Variants in TMTC1 observed in about 807,000 individuals in gnomAD.
The protein encoded by TMTC1 is transmembrane O-mannosyltransferase targeting cadherins 1.
A neutral mutation model predicts 104.8 loss-of-function variants in TMTC1; 73 were observed. That is an observed-to-expected ratio of 0.70 (90% confidence interval 0.58 to 0.85). The LOEUF (loss-of-function observed/expected upper bound fraction) is 0.85, where lower values mean the gene tolerates loss of function less well. Ranked by LOEUF, TMTC1 falls within the 40% of genes least tolerant of loss-of-function variation. The pLI is 0.00. For missense variants in TMTC1, 1,035 were observed against 1,096.1 expected, an observed-to-expected ratio of 0.94 and a Z score of 0.79; for synonymous variants, 434 against 428.7, an observed-to-expected ratio of 1.01 and a Z score of -0.15.
chr12:29,782,288 G>A (rs1943851495), intron 1 of TMTC1, among the ~76,000 whole-genome samples: 1 of 152,184 alleles, frequency 6.6e-6, no homozygotes, highest in South Asian at 2.1e-4. Flanking sequence ...ACTTTCAGTG[G>A]AAGACGTAAG....
intron 1 of TMTC1, chr12:29,782,729 A>C (rs1943862173): frequency 6.6e-6 from 1 of 152,198 alleles, no homozygotes; most frequent in South Asian, 2.1e-4. Context: ...GAAACGCTGA[A>C]TCATGACTCC....
intron 7 of TMTC1, among the ~76,000 whole-genome samples, chr12:29,589,954 G>A (rs550041264): frequency 2.6e-4 from 39 of 152,320 alleles, no homozygotes; most frequent in Non-Finnish European, 4.3e-4. Context: ...CAGAAGCTAG[G>A]AATGGGCTAG....
chr12:29,575,767 C>T (rs34020170), intron 8 of TMTC1, among the ~76,000 whole-genome samples: 12 of 152,160 alleles, frequency 7.9e-5, no homozygotes, highest in African/African-American at 1.2e-4. Context: ...TACCCGAGGA[C>T]GGATTGCTGG....
chr12:29,628,033 A>G (rs1938094030), intron 6 of TMTC1, among the ~76,000 whole-genome samples: 1 of 152,220 alleles, frequency 6.6e-6, no homozygotes, highest in Admixed American at 6.5e-5. Context: ...GCTTCCCCAC[A>G]TAATTTAGTT....
At chr12:29,653,860 A>C (rs1392188067) in intron 5 of TMTC1, among the ~76,000 whole-genome samples, 1 of 152,230 alleles carries the variant, frequency 6.6e-6, no homozygotes, top group African/African-American at 2.4e-5. Flanking sequence ...ATAAAAGGTC[A>C]AATTCTAAAT....
intron 1 of TMTC1, among the ~76,000 whole-genome samples, chr12:29,773,139 G>A (rs543584474): frequency 1.1e-4 from 16 of 152,064 alleles, no homozygotes; most frequent in Admixed American, 3.9e-4. Context: ...AACCCAAATC[G>A]CCCCTTCTCC....
intron 6 of TMTC1, among the ~76,000 whole-genome samples, chr12:29,616,877 A>C (rs1946994992): frequency 6.6e-6 from 1 of 152,082 alleles, no homozygotes; most frequent in African/African-American, 2.4e-5. Flanking sequence ...GTGTTTATAG[A>C]GATAACATTC....
chr12:29,569,675 A>G (rs185423067), intron 9 of TMTC1, among the ~76,000 whole-genome samples: 3 of 152,340 alleles, frequency 2.0e-5, no homozygotes, highest in Admixed American at 1.3e-4. Flanking sequence ...GTGACAATCT[A>G]TTTCTTAAAA....
intron 5 of TMTC1, among the ~76,000 whole-genome samples, chr12:29,683,996 A>G (rs1043692346): frequency 2.6e-5 from 4 of 152,114 alleles, no homozygotes; most frequent in African/African-American, 9.7e-5. Context: ...GGCGTGTGCC[A>G]CCATGCCCAG....
At chr12:29,644,474 C>T (rs1366933543) in intron 5 of TMTC1, among the ~76,000 whole-genome samples, 1 of 151,854 alleles carries the variant, frequency 6.6e-6, no homozygotes, top group African/African-American at 2.4e-5. Flanking sequence ...AACTTGCTCA[C>T]ATAACCAAAT....
chr12:29,512,097 T>G lies in TMTC1; in HGVS notation c.2454A>C (p.Leu818=), dbSNP rs748438219. Reference sequence around the variant, plus strand: ...TCCAGGCCTGTGCTTGGTCTGGGTTTAGTTGCACAGCCACTCTATAGCTCT... The same window carrying G: ...TCCAGGCCTGTGCTTGGTCTGGGTTGAGTTGCACAGCCACTCTATAGCTCT... ...AFESYRVAVQ[L]NPDQAQAWMN... The change falls in exon 17 of 18, where the codon CTA becomes CTC. Residue 818 remains leucine (L), a synonymous_variant. Coordinates refer to ENST00000539277, the MANE Select transcript of TMTC1 (RefSeq NM_001193451.2). 1.2e-6 allele frequency: 2 copies of G among 1,613,972 alleles called. No individual in the cohort carries two copies. The highest frequency in any genetic ancestry group is 2.2e-5 in the South Asian group (2 of 91,042).
Position 29,749,826 on chromosome 12 carries a change from A to G in TMTC1, c.938+1840T>C, listed in dbSNP as rs76683953. Among the ~76,000 whole-genome samples, 879 of 151,948 alleles carry G rather than the reference A, an allele frequency of 5.8e-3. 3 individuals are homozygous for G. Among genetic ancestry groups the G allele is most frequent in the Non-Finnish European group, 9.8e-3 (664 of 67,958 alleles). On this transcript the variant is annotated intron_variant, in intron 5 of 17. Coordinates refer to ENST00000539277, the MANE Select transcript of TMTC1 (RefSeq NM_001193451.2). ...TTGTTTCCTTCCTTTCCCTCTCCCCATCATCACAAACATTAATTAGCGAGT... is the reference window on the plus strand; with the variant it reads ...TTGTTTCCTTCCTTTCCCTCTCCCCGTCATCACAAACATTAATTAGCGAGT...
chr12:29,691,127 A>C (rs918073385), intron 5 of TMTC1, among the ~76,000 whole-genome samples: 2 of 152,192 alleles, frequency 1.3e-5, no homozygotes. Context: ...ATGGTTTAGG[A>C]GTCATGCAGC....
chr12:29,705,896 T>G (rs956284716), intron 5 of TMTC1, among the ~76,000 whole-genome samples: 5 of 152,132 alleles, frequency 3.3e-5, no homozygotes, highest in African/African-American at 1.2e-4. Context: ...TGTGCTCTAC[T>G]GCTTACATTA....
rs1223323574 is a variant in TMTC1 at position 29,518,584 on chromosome 12, G to A, written c.1912C>T (p.His638Tyr). 2.5e-6 allele frequency: 4 copies of A among 1,613,974 alleles called. No homozygotes were observed. The highest frequency in any genetic ancestry group is 1.3e-5 in the African/African-American group (1 of 74,930). Reference sequence around the variant, plus strand: ...CTAAGTTTGATGGCCTGCTGGTAATGGGCCACTGCCTTTTCTGGTAAGCCT... The same window carrying A: ...CTAAGTTTGATGGCCTGCTGGTAATAGGCCACTGCCTTTTCTGGTAAGCCT... ...DTGLPEKAVAHYQQAIKLSPS... is the reference protein window; with the variant it reads ...DTGLPEKAVAYYQQAIKLSPS... The change falls in exon 13 of 18, where the codon CAT (histidine) becomes TAT (tyrosine). Residue 638 changes from histidine to tyrosine, a missense_variant. Transcript: ENST00000539277.
intron 2 of TMTC1, among the ~76,000 whole-genome samples, chr12:29,763,703 T>C (rs983517543): frequency 6.6e-6 from 1 of 152,218 alleles, no homozygotes; most frequent in African/African-American, 2.4e-5. Context: ...GGTCTGGCCA[T>C]GTAAACTGTG....
At chr12:29,611,018 T>G (rs936150395) in intron 6 of TMTC1, among the ~76,000 whole-genome samples, 1 of 152,246 alleles carries the variant, frequency 6.6e-6, no homozygotes, top group Non-Finnish European at 1.5e-5. Flanking sequence ...ATACTTGATG[T>G]CTTCCCTAAG....
intron 5 of TMTC1, among the ~76,000 whole-genome samples, chr12:29,706,820 A>AT (rs1474873096): frequency 1.3e-5 from 2 of 152,028 alleles, no homozygotes; most frequent in East Asian, 3.9e-4. Context: ...CCAGAACACC[A>AT]TTTTGTTGGG....
chr12:29,615,032 C>T (rs1481000847), intron 6 of TMTC1, among the ~76,000 whole-genome samples: 1 of 152,152 alleles, frequency 6.6e-6, no homozygotes, highest in Non-Finnish European at 1.5e-5. Flanking sequence ...AGGGAAGCTG[C>T]CATTCCTAAA....
Sources: gnomAD v4.1 joint callset for allele counts (sites outside exome capture counted in the v4.1 genomes callset) on GRCh38, gnomAD v4.1.1 for gene constraint, MANE v1.5 for transcripts, NCBI Gene and HGNC (gene_info 2026-07-23, HGNC 2026-07-21) for gene names.